AKT1S1: variants seen among roughly 807,000 people sequenced by gnomAD.
AKT1S1 encodes the protein proline-rich AKT1 substrate 1.
AKT1S1 carries 17 observed loss-of-function variants against 21.2 expected under a neutral mutation model. That is an observed-to-expected ratio of 0.80 (90% CI 0.55 to 1.20). AKT1S1 has a LOEUF of 1.20. Ranked by LOEUF, AKT1S1 falls within the 50% of genes most tolerant of loss-of-function variation. AKT1S1 has a pLI of 0.00. For synonymous variants in AKT1S1, 181 were observed against 165.6 expected, an observed-to-expected ratio of 1.09 and a Z score of -0.72; for missense variants, 366 against 368.3, an observed-to-expected ratio of 0.99 and a Z score of 0.05.
rs3745483 is a variant in AKT1S1 at position 49,869,610 on chromosome 19, G to A, written c.*307C>T. 1.3e-3 allele frequency: 372 copies of A among 284,648 alleles called. 8 individuals are homozygous for A. In the East Asian group the frequency reaches 0.019, roughly 15 times the overall value. The allele number at this position is 284,648 out of a possible 1,614,324, so 17.6% of individuals were successfully genotyped here. On this transcript the variant is annotated 3_prime_UTR_variant, in exon 5 of 5. Transcript: ENST00000344175. ...CGAGCAAATCCCTTGTCGCTAGGCGGAAAACAAAGGAGTTGACCCATTTAG... is the reference window on the plus strand; with the variant it reads ...CGAGCAAATCCCTTGTCGCTAGGCGAAAAACAAAGGAGTTGACCCATTTAG...
intron 1 of AKT1S1, chr19:49,876,226 T>C (rs1024869946): frequency 2.4e-5 from 25 of 1,057,030 alleles, no homozygotes; most frequent in South Asian, 4.4e-5. Context: ...GAGGACCCAC[T>C]GGTCTAGGAA....
chr19:49,877,596 G>GT, upstream of AKT1S1: 1 of 991,540 alleles, frequency 1.0e-6, no homozygotes. Flanking sequence ...GGTTTCACCC[G>GT]CTCCTTCTCT....
intron 1 of AKT1S1, chr19:49,874,650 G>A (rs1261166279): frequency 6.6e-6 from 1 of 152,284 alleles, no homozygotes; most frequent in Admixed American, 6.5e-5. Context: ...CTGGGTCCTT[G>A]CCCTGACTCT....
chr19:49,871,432 G>A, intron 4 of AKT1S1, 115 bp downstream of exon 4: 1 of 1,392,934 alleles, frequency 7.2e-7, no homozygotes, highest in South Asian at 1.2e-5. Context: ...AGGTTGAGGG[G>A]AGGATTCAGT....
intron 4 of AKT1S1, among the ~76,000 whole-genome samples, chr19:49,870,997 A>C (rs1326182066): frequency 1.3e-5 from 2 of 152,152 alleles, no homozygotes; most frequent in African/African-American, 4.8e-5. Flanking sequence ...TTCCTGAAAC[A>C]CACCTGGGTT....
At chr19:49,877,628 A>C (rs1319120236), upstream of AKT1S1, 6 of 1,409,752 alleles carry the variant, frequency 4.3e-6, no homozygotes, top group Non-Finnish European at 4.9e-6. Context: ...GGCCGCTACC[A>C]CTGTCCGGCC....
rs773649153 is a variant in AKT1S1, at chr19:49,873,144, C to A, written c.152G>T (p.Arg51Leu). 2 of 1,539,000 alleles carry A rather than the reference C, an allele frequency of 1.3e-6. No homozygotes were observed. The highest frequency in any genetic ancestry group is 2.4e-5 in the South Asian group (2 of 84,160). The change falls in exon 2 of 5, where the codon CGA becomes CTA. Residue 51 changes from arginine to leucine, a missense_variant. Physicochemically the swap from Arg to Leu is moderately radical, Grantham distance 102. Coordinates refer to ENST00000344175, the MANE Select transcript of AKT1S1 (RefSeq NM_001098633.4). The surrounding 1 kb of genome is among the most constrained non-coding windows in gnomAD (Gnocchi z 6.9). ...GCGCGCTGCCTCCGCCAGGGCTCCT[C>A]GACCATGGGCAGCATAGGCACAGGG... ...PGPCAYAAHGRGALAEAARRC... is the reference protein window; with the variant it reads ...PGPCAYAAHGLGALAEAARRC...
At chr19:49,875,522 G>A (rs1600435660) in intron 1 of AKT1S1, among the ~76,000 whole-genome samples, 1 of 152,238 alleles carries the variant, frequency 6.6e-6, no homozygotes, top group East Asian at 1.9e-4. Context: ...GCTGATGAGG[G>A]AGGAAACTGA....
At chr19:49,874,423 G>A (rs951120417) in intron 1 of AKT1S1, 1 of 152,238 alleles carries the variant, frequency 6.6e-6, no homozygotes. Context: ...ATCCCCCAGG[G>A]TGCATCAGAT....
At chr19:49,871,480 C>G in intron 4 of AKT1S1, 67 bp downstream of exon 4, 1 of 1,599,238 alleles carries the variant, frequency 6.3e-7, no homozygotes, top group Non-Finnish European at 8.5e-7. Context: ...TGCTGGAGGG[C>G]TTCCTGGAGG....
upstream of AKT1S1, chr19:49,878,216 C>T (rs1250689785): frequency 3.2e-6 from 5 of 1,562,064 alleles, no homozygotes; most frequent in South Asian, 5.9e-5. Context: ...TCTCTCATCG[C>T]TGGTGTCATC....
intron 1 of AKT1S1, chr19:49,876,474 G>C (rs2074945749): frequency 2.3e-5 from 28 of 1,201,078 alleles, no homozygotes; most frequent in Non-Finnish European, 3.0e-5. Context: ...AGGATCGCTG[G>C]CAGACCTCTG....
At chr19:49,876,167 G>A (rs1464473556) in intron 1 of AKT1S1, 6 of 1,003,924 alleles carry the variant, frequency 6.0e-6, no homozygotes, top group African/African-American at 1.7e-5. Context: ...GAGCGCCTGG[G>A]GCCACGCTCA....
At position 49,869,953 on chromosome 19, in the gene AKT1S1, G is replaced by C. The variant is rs781390299; in HGVS notation, c.735C>G (p.Asn245Lys). 1.9e-6 allele frequency: 3 copies of C among 1,539,840 alleles called. No individual in the cohort carries two copies. The South Asian group carries it at 3.6e-5, about 18-fold the overall frequency. ...VFGDLPRPRLNTSDFQKLKRK... is the reference protein window; with the variant it reads ...VFGDLPRPRLKTSDFQKLKRK... Reference sequence around the variant, plus strand: ...GCTTCAGCTTCTGGAAGTCGCTGGTGTTAAGCCGCGGCCGTGGCAGGTCCC... The same window carrying C: ...GCTTCAGCTTCTGGAAGTCGCTGGTCTTAAGCCGCGGCCGTGGCAGGTCCC... The change falls in exon 5 of 5, where the codon AAC becomes AAG. Residue 245 changes from asparagine (N) to lysine (K), a missense_variant. Transcript: ENST00000344175.
intron 1 of AKT1S1, chr19:49,876,025 T>G (rs1600436575): frequency 3.0e-6 from 3 of 985,276 alleles, no homozygotes; most frequent in South Asian, 4.7e-5. Flanking sequence ...GATGTGGCTG[T>G]CCTCTTTGGA....
intron 2 of AKT1S1, 138 bp downstream of exon 2, chr19:49,872,779 C>T: frequency 9.3e-7 from 1 of 1,078,848 alleles, no homozygotes; most frequent in Non-Finnish European, 1.3e-6. Flanking sequence ...AAGCCCCAGG[C>T]AAGCCTGTCT....
At chr19:49,876,136 T>A in intron 1 of AKT1S1, 1 of 993,032 alleles carries the variant, frequency 1.0e-6, no homozygotes, top group Non-Finnish European at 1.2e-6. Flanking sequence ...AACCTGAGCA[T>A]GAACGCGGTA....
chr19:49,877,897 G>A (rs1329392863), upstream of AKT1S1: 4 of 985,082 alleles, frequency 4.1e-6, no homozygotes, highest in Non-Finnish European at 5.9e-6. Context: ...CCCGTCCACC[G>A]CCCCAGGGAA....
intron 4 of AKT1S1, among the ~76,000 whole-genome samples, chr19:49,870,371 C>T (rs899429582): frequency 6.6e-6 from 1 of 152,182 alleles, no homozygotes; most frequent in African/African-American, 2.4e-5. Context: ...CTGAGTGCAC[C>T]GTCTCATGTC....
Sources: allele counts gnomAD v4.1 joint callset (sites outside exome capture counted in the v4.1 genomes callset), GRCh38; gene constraint gnomAD v4.1.1; non-coding constraint Gnocchi (gnomAD v3.1); transcripts MANE v1.5; gene names NCBI Gene and HGNC (gene_info 2026-07-23, HGNC 2026-07-21).